Variants in LANCL2 observed in about 807,000 individuals in gnomAD.
LANCL2 encodes lanC-like protein 2.
LANCL2 carries 33 observed loss-of-function variants against 56.9 expected under a neutral mutation model. That is an observed-to-expected ratio of 0.58 (90% CI 0.44 to 0.78). The LOEUF (loss-of-function observed/expected upper bound fraction) is 0.78. Ranked by LOEUF, LANCL2 falls within the 30% of genes least tolerant of loss-of-function variation. LANCL2 has a pLI of 0.00. For synonymous variants in LANCL2, 233 were observed against 228.2 expected, an observed-to-expected ratio of 1.02 and a Z score of -0.19; for missense variants, 562 against 580.2, an observed-to-expected ratio of 0.97 and a Z score of 0.32.
At chr7:55,402,643 CG>C (rs1187140974) in intron 5 of LANCL2, among the ~76,000 whole-genome samples, 2 of 98,316 alleles carry the variant, frequency 2.0e-5, no homozygotes, top group African/African-American at 5.3e-5. Context: ...GCTGGCTGGG[CG>C]GGGGGCTAAC....
In LANCL2 at chr7:55,419,364, A is replaced by G. The variant is rs78299173; in HGVS notation, c.1009-5890A>G. Among the ~76,000 whole-genome samples, 588 of 149,226 alleles carry G rather than the reference A, an allele frequency of 3.9e-3. 4 individuals carry two copies. Among genetic ancestry groups the G allele is most frequent in the African/African-American group, 0.013 (533 of 40,758 alleles). On this transcript the variant is annotated intron_variant, in intron 6 of 8. Coordinates refer to ENST00000254770, the MANE Select transcript of LANCL2 (RefSeq NM_018697.4). ...ATACCTCTTTTTTTTAATGTTTAGT[A>G]AGGTCTGAAGTGATAGTTTCTCTTT... is the stretch of plus-strand genomic sequence containing the variant.
chr7:55,369,909 C>G (rs1260619379), intron 1 of LANCL2, among the ~76,000 whole-genome samples: 5 of 152,150 alleles, frequency 3.3e-5, no homozygotes, highest in Non-Finnish European at 4.4e-5. Context: ...AGAGGGCACT[C>G]GAGTAAAGGC....
At chr7:55,427,829 A>G (rs12111783) in intron 7 of LANCL2, among the ~76,000 whole-genome samples, 6,772 of 152,266 alleles carry the variant, frequency 0.044, 509 homozygotes, top group African/African-American at 0.15. Context: ...CTAAGAAGAA[A>G]GGGTCAAGGA....
At chr7:55,428,331 CA>C (rs781365159) in intron 7 of LANCL2, 43 bp from the exon 8 acceptor site, 1 of 1,536,200 alleles carries the variant, frequency 6.5e-7, no homozygotes, top group Admixed American at 1.7e-5. Flanking sequence ...GCCTTTTCAC[CA>C]GGTAGAAACT....
intron 6 of LANCL2, among the ~76,000 whole-genome samples, chr7:55,423,055 T>C (rs940050267): frequency 2.6e-5 from 4 of 152,176 alleles, no homozygotes; most frequent in African/African-American, 9.7e-5. Context: ...AACTTACCAT[T>C]TGGGGGAGGT....
chr7:55,404,474 T>C (rs1790382182), intron 5 of LANCL2, among the ~76,000 whole-genome samples: 1 of 152,246 alleles, frequency 6.6e-6, no homozygotes, highest in Admixed American at 6.5e-5. Context: ...TACTGCCTCA[T>C]GTTCTCACTC....
intron 6 of LANCL2, among the ~76,000 whole-genome samples, chr7:55,423,898 G>C (rs1377285373): frequency 6.6e-6 from 1 of 152,098 alleles, no homozygotes; most frequent in African/African-American, 2.4e-5. Context: ...GCCTAACTTT[G>C]GGAACATTTA....
At chr7:55,383,499 A>C (rs1427973606) in intron 1 of LANCL2, among the ~76,000 whole-genome samples, 1 of 152,160 alleles carries the variant, frequency 6.6e-6, no homozygotes, top group Non-Finnish European at 1.5e-5. Flanking sequence ...GCACAGGTGG[A>C]GATATCTGGG....
In LANCL2 at chr7:55,398,640, A is replaced by G. The variant is rs368288236; in HGVS notation, c.530+10A>G. 6.3e-6 allele frequency: 10 copies of G among 1,599,966 alleles called. No individual in the cohort carries two copies. The highest frequency in any genetic ancestry group is 5.5e-5 in the South Asian group (5 of 90,770). On this transcript the variant is annotated intron_variant, in intron 3 of 8. Coordinates refer to ENST00000254770, the MANE Select transcript of LANCL2 (RefSeq NM_018697.4). The stretch of plus-strand genomic sequence containing the variant: ...AGGAATGTGTCACAAAGTGAGTTTT[A>G]GAACTGGAAACATTTTCTCCCAATT...
chr7:55,431,045 A>G (rs1790721620), intron 8 of LANCL2, among the ~76,000 whole-genome samples, 181 bp from the exon 9 acceptor site: 1 of 152,212 alleles, frequency 6.6e-6, no homozygotes, highest in South Asian at 2.1e-4. Context: ...AACTGGTGTT[A>G]TTATATTACC....
chr7:55,398,709 C>T (rs1790285136), intron 3 of LANCL2, 79 bp downstream of exon 3: 2 of 1,113,168 alleles, frequency 1.8e-6, no homozygotes, highest in East Asian at 4.9e-5. Flanking sequence ...AGAAAGGAAA[C>T]TATTTTTCCA....
intron 1 of LANCL2, among the ~76,000 whole-genome samples, chr7:55,375,318 G>C (rs755753213): frequency 1.3e-5 from 2 of 152,202 alleles, no homozygotes; most frequent in Non-Finnish European, 2.9e-5. Flanking sequence ...ATTTTAGAAA[G>C]AGAATGATTG....
rs1334231529 is a variant in LANCL2, at chr7:55,366,038, A to C, written c.13A>C (p.Met5Leu). MGET[M>L]SKRLKLHLGG... is the part of the protein sequence containing the mutation. ...TACCGCGGCGGAGATGGGCGAGACC[A>C]TGTCAAAGAGGCTGAAGCTCCACCT... The change falls in exon 1 of 9, where the codon ATG (methionine) becomes CTG (leucine). Residue 5 changes from methionine to leucine, a missense_variant. Physicochemically the swap from Met to Leu is conservative, Grantham distance 15. Coordinates refer to ENST00000254770, the MANE Select transcript of LANCL2 (RefSeq NM_018697.4). The C allele has an allele frequency of 1.3e-6, 2 of 1,492,544 alleles. No homozygotes were observed. The highest frequency in any genetic ancestry group is 1.5e-5 in the African/African-American group (1 of 68,920). 92.5% of individuals were successfully genotyped at this position (1,492,544 alleles called of 1,614,324 possible).
chr7:55,402,094 C>A (rs1384767855), intron 5 of LANCL2, among the ~76,000 whole-genome samples: 2 of 139,556 alleles, frequency 1.4e-5, no homozygotes, highest in African/African-American at 5.3e-5. Flanking sequence ...GGCAGAGGGG[C>A]TCCTCACTTC....
intron 1 of LANCL2, among the ~76,000 whole-genome samples, chr7:55,390,953 C>G (rs760006538): frequency 2.7e-5 from 4 of 149,980 alleles, no homozygotes; most frequent in Non-Finnish European, 5.9e-5. Context: ...ATTTTTTAAT[C>G]TGGTAAGAAA....
intron 1 of LANCL2, among the ~76,000 whole-genome samples, chr7:55,378,081 T>C (rs1489313667): frequency 6.6e-6 from 1 of 152,238 alleles, no homozygotes; most frequent in Non-Finnish European, 1.5e-5. Flanking sequence ...CCTAAAAAAC[T>C]GAATGATGTG....
At chr7:55,426,827 C>T (rs906008410) in intron 7 of LANCL2, among the ~76,000 whole-genome samples, 5 of 152,116 alleles carry the variant, frequency 3.3e-5, no homozygotes, top group Non-Finnish European at 5.9e-5. Context: ...AGCCAGCGAG[C>T]GGGGAGCAGC....
At position 55,419,400 on chromosome 7, in the gene LANCL2, C is replaced by CTT. The variant is rs1156534780; in HGVS notation, c.1009-5837_1009-5836dup. Among the ~76,000 whole-genome samples the CTT allele has an allele frequency of 1.3e-3, 140 of 109,072 alleles. 1 individual carries two copies. The highest frequency in any genetic ancestry group is 1.8e-3 in the East Asian group (7 of 3,926). The allele number at this position is 109,072 out of a possible 152,430, so 71.6% of individuals were successfully genotyped here. A position where few individuals can be genotyped will look rare whatever the true frequency, so the allele number is the denominator to read the frequency against. On this transcript the variant is annotated intron_variant, in intron 6 of 8. Transcript: ENST00000254770. ...TGATAGTTTCTCTTTTGTTCTTTTC[C>CTT]TTTTTTTTTTTTTTTTTTGGAGATA...
intron 1 of LANCL2, among the ~76,000 whole-genome samples, chr7:55,369,452 T>C (rs1789912815): frequency 6.6e-6 from 1 of 152,224 alleles, no homozygotes; most frequent in Non-Finnish European, 1.5e-5. Context: ...CAAGTCGGCT[T>C]CTCTGGGCCA....
Sources: allele counts gnomAD v4.1 joint callset (sites outside exome capture counted in the v4.1 genomes callset), GRCh38; gene constraint gnomAD v4.1.1; transcripts MANE v1.5; gene names NCBI Gene and HGNC (gene_info 2026-07-23, HGNC 2026-07-21).